The following SUMO2 variants were observed in gnomAD, a reference collection of about 807,000 sequenced individuals.
SUMO2 encodes small ubiquitin-related modifier 2.
SUMO2 carries 1 observed loss-of-function variant against 16.0 expected under a neutral mutation model. The ratio of observed to expected loss-of-function variants is 0.06; its 90% CI spans 0.02 to 0.30. The LOEUF is 0.30. SUMO2 is among the 10% of genes least tolerant of loss of function. SUMO2 has a pLI of 1.00. For synonymous variants in SUMO2, 36 were observed against 40.6 expected (o/e 0.89, Z 0.43); for missense variants, 16 against 117.5 (o/e 0.14, Z 3.99).
chr17:75,174,616 C>A, intron 3 of SUMO2, 136 bp downstream of exon 3: 2 of 629,644 alleles, frequency 3.2e-6, no homozygotes, highest in Non-Finnish European at 5.3e-6. Context: ...CCTTTCTGTT[C>A]CCCTCTGGTC....
chr17:75,182,940 A>G lies in SUMO2; in HGVS notation c.-106T>C, dbSNP rs1325365541. The G allele has an allele frequency of 5.8e-6, 6 of 1,028,148 alleles. No individual in the cohort carries two copies. Among genetic ancestry groups the G allele is most frequent in the Non-Finnish European group, 6.4e-6 (5 of 785,414 alleles). The allele number at this position is 1,028,148 out of a possible 1,614,324, so 63.7% of individuals were successfully genotyped here. On this transcript the variant is annotated 5_prime_UTR_variant, in exon 1 of 4. Transcript: ENST00000420826. ...AGGAGCGGCAGAAGAAGGAGGCGGC[A>G]GCGGTGGACGAGGGGAGAGGGTGCG...
chr17:75,182,770 AC>A, intron 1 of SUMO2, 43 bp downstream of exon 1: 3 of 1,305,116 alleles, frequency 2.3e-6, no homozygotes, highest in South Asian at 4.7e-5. Flanking sequence ...CCGCGCCATG[AC>A]CCCCACCGCG....
chr17:75,178,947 C>T (rs944487537), intron 2 of SUMO2, among the ~76,000 whole-genome samples: 3 of 152,006 alleles, frequency 2.0e-5, no homozygotes, highest in African/African-American at 7.3e-5. Context: ...AAGAGCAAAA[C>T]TCCACCTCAA....
chr17:75,177,981 T>C (rs1598226832), intron 2 of SUMO2, among the ~76,000 whole-genome samples: 2 of 79,392 alleles, frequency 2.5e-5, no homozygotes, highest in African/African-American at 6.0e-5. Context: ...AAAGCGAGAC[T>C]CCGTCTCAAA....
chr17:75,169,055 C>CAA (rs1205746665), intron 3 of SUMO2, among the ~76,000 whole-genome samples: 8 of 63,972 alleles, frequency 1.3e-4, no homozygotes, highest in Admixed American at 1.9e-4. Context: ...AACATCTCTA[C>CAA]AAAAAAAAAA....
chr17:75,182,953 G>A lies in SUMO2; in HGVS notation c.-119C>T, dbSNP rs1044732009. 41 of 868,942 alleles carry A rather than the reference G, an allele frequency of 4.7e-5. No homozygotes were observed. Among genetic ancestry groups the A allele is most frequent in the Admixed American group, 1.3e-4 (3 of 22,830 alleles). The allele number at this position is 868,942 out of a possible 1,614,324, so 53.8% of individuals were successfully genotyped here. A position where few individuals can be genotyped will look rare whatever the true frequency, so the allele number is the denominator to read the frequency against. Reference sequence around the variant, plus strand: ...GAAGGAGGCGGCAGCGGTGGACGAGGGGAGAGGGTGCGCGCACGTCGTGCG... The same window carrying A: ...GAAGGAGGCGGCAGCGGTGGACGAGAGGAGAGGGTGCGCGCACGTCGTGCG... On this transcript the variant is annotated 5_prime_UTR_variant, in exon 1 of 4. Transcript: ENST00000420826.
chr17:75,172,412 C>T (rs369707062), intron 3 of SUMO2, among the ~76,000 whole-genome samples: 5 of 150,252 alleles, frequency 3.3e-5, no homozygotes, highest in Non-Finnish European at 7.4e-5. Context: ...CTCCGCCTCT[C>T]GGGTTCAGGT....
intron 3 of SUMO2, among the ~76,000 whole-genome samples, chr17:75,172,984 C>A (rs2074753799): frequency 6.6e-6 from 1 of 152,108 alleles, no homozygotes; most frequent in Non-Finnish European, 1.5e-5. Context: ...CTTTTCAGTA[C>A]AACTCAGGGG....
In SUMO2 at chr17:75,170,678, G is replaced by A. The variant is rs541142274; in HGVS notation, c.226-2277C>T. ...AGCCTGGCCAACATAGTGAAACCCC[G>A]TCTCTACTAAAAATACAAAAAATTA... On this transcript the variant is annotated intron_variant, in intron 3 of 3. Coordinates refer to ENST00000420826, the MANE Select transcript of SUMO2 (RefSeq NM_006937.4). Among the ~76,000 whole-genome samples, 383 of 151,298 alleles carry A rather than the reference G, an allele frequency of 2.5e-3. 1 individual carries two copies. Among genetic ancestry groups the A allele is most frequent in the African/African-American group, 8.7e-3 (358 of 41,234 alleles).
At position 75,166,148 on chromosome 17, in the gene SUMO2, T is replaced by G. The variant is rs1223530384; in HGVS notation, c.*2191A>C. On this transcript the variant is annotated 3_prime_UTR_variant, in exon 4 of 4. Coordinates refer to ENST00000420826, the MANE Select transcript of SUMO2 (RefSeq NM_006937.4). Reference sequence around the variant, plus strand: ...GGCCAGAAGTTCGAGACCAAACTGGTCAACATGGTGAGACCCCACCTCTAA... The same window carrying G: ...GGCCAGAAGTTCGAGACCAAACTGGGCAACATGGTGAGACCCCACCTCTAA... 3 of 151,766 alleles carry G rather than the reference T, an allele frequency of 2.0e-5. No homozygotes were observed. Among genetic ancestry groups the G allele is most frequent in the Non-Finnish European group, 4.4e-5 (3 of 68,006 alleles). The allele number at this position is 151,766 out of a possible 1,614,324, so 9.4% of individuals were successfully genotyped here.
chr17:75,181,751 CTCAG>C (rs1404556331), intron 1 of SUMO2, among the ~76,000 whole-genome samples: 1 of 152,078 alleles, frequency 6.6e-6, no homozygotes, highest in Non-Finnish European at 1.5e-5. Context: ...AGCGGTAATA[CTCAG>C]TCAGGACCAC....
chr17:75,182,408 G>A (rs896787865), intron 1 of SUMO2: 5 of 156,894 alleles, frequency 3.2e-5, no homozygotes, highest in African/African-American at 9.6e-5. Flanking sequence ...GAGCCCAGAG[G>A]ACTCCTCGCC....
chr17:75,173,101 A>G (rs1323612357), intron 3 of SUMO2, among the ~76,000 whole-genome samples: 2 of 152,220 alleles, frequency 1.3e-5, no homozygotes, highest in South Asian at 2.1e-4. Flanking sequence ...TTGAAATTCA[A>G]AAGTACATGG....
At chr17:75,169,056 A>G in intron 3 of SUMO2, among the ~76,000 whole-genome samples, 1 of 139,308 alleles carries the variant, frequency 7.2e-6, no homozygotes, top group African/African-American at 3.0e-5. Flanking sequence ...ACATCTCTAC[A>G]AAAAAAAAAA....
intron 1 of SUMO2, among the ~76,000 whole-genome samples, chr17:75,181,683 T>C (rs2074830049): frequency 6.6e-6 from 1 of 151,876 alleles, no homozygotes; most frequent in African/African-American, 2.4e-5. Context: ...CAATCTCCAT[T>C]AAAGGAAACA....
At chr17:75,182,711 G>T in intron 1 of SUMO2, 103 bp downstream of exon 1, 7 of 1,044,972 alleles carry the variant, frequency 6.7e-6, no homozygotes, top group Non-Finnish European at 7.3e-6. Context: ...CCCGTGGGGG[G>T]CCCGGGAAAG....
intron 3 of SUMO2, among the ~76,000 whole-genome samples, chr17:75,169,634 C>T (rs1420768321): frequency 2.6e-5 from 4 of 151,984 alleles, no homozygotes; most frequent in Admixed American, 6.6e-5. Flanking sequence ...CCACCCTCCT[C>T]GGCCTCCCAA....
At chr17:75,174,956 C>T (rs756966274) in intron 2 of SUMO2, 133 bp from the exon 3 acceptor site, 2 of 741,674 alleles carry the variant, frequency 2.7e-6, no homozygotes, top group Non-Finnish European at 4.4e-6. Context: ...TGTTAACATA[C>T]CCTATAGGTA....
At chr17:75,171,769 TG>T (rs1337975259) in intron 3 of SUMO2, among the ~76,000 whole-genome samples, 4 of 152,034 alleles carry the variant, frequency 2.6e-5, no homozygotes, top group Non-Finnish European at 5.9e-5. Context: ...GTTTTAGTGG[TG>T]GGTAAGGAGG....
Sources: allele counts gnomAD v4.1 joint callset (sites outside exome capture counted in the v4.1 genomes callset), GRCh38; gene constraint gnomAD v4.1.1; transcripts MANE v1.5; gene names NCBI Gene and HGNC (gene_info 2026-07-23, HGNC 2026-07-21).